Variants in KIF15 observed in about 807,000 individuals in gnomAD.
KIF15 encodes the protein kinesin-like protein KIF15.
A neutral mutation model predicts 190.6 loss-of-function variants in KIF15; 140 were observed. The observed-to-expected ratio is 0.73, with a 90% CI of 0.64 to 0.84. The LOEUF (loss-of-function observed/expected upper bound fraction) is 0.84. Ranked by LOEUF, KIF15 falls within the 40% of genes least tolerant of loss-of-function variation. The pLI, the probability that KIF15 is intolerant of heterozygous loss-of-function variation, is 0.00. For missense variants in KIF15, 1,372 were observed against 1,584.4 expected (o/e 0.87, Z 2.28); for synonymous variants, 528 against 551.3 (o/e 0.96, Z 0.59).
intron 24 of KIF15, among the ~76,000 whole-genome samples, chr3:44,829,153 C>T (rs1399700178): frequency 1.3e-5 from 2 of 151,664 alleles, no homozygotes; most frequent in South Asian, 2.1e-4. Context: ...GTCAGAAGAT[C>T]GAGACCATCC....
chr3:44,780,124 T>C (rs1706100675), intron 4 of KIF15, among the ~76,000 whole-genome samples: 1 of 149,314 alleles, frequency 6.7e-6, no homozygotes, highest in African/African-American at 2.5e-5. Context: ...TGCCCAGTCC[T>C]GGAGTGCAGT....
chr3:44,863,385 C>T (rs1474191875), intron 6 of KIF15: 1 of 134,760 alleles, frequency 7.4e-6, no homozygotes, highest in Non-Finnish European at 1.5e-5. Flanking sequence ...GTGTAGGAGG[C>T]TTCTAAAGAT....
intron 20 of KIF15, among the ~76,000 whole-genome samples, chr3:44,823,962 C>T (rs569257261): frequency 6.6e-5 from 10 of 152,326 alleles, no homozygotes; most frequent in East Asian, 3.9e-4. Context: ...CGACCCCTTG[C>T]GCTTCCTGGG....
chr3:44,830,816 G>C, intron 25 of KIF15, 80 bp from the exon 26 acceptor site: 1 of 1,424,098 alleles, frequency 7.0e-7, no homozygotes, highest in Admixed American at 2.1e-5. Flanking sequence ...CATCACCTTG[G>C]AACCCAGACT....
At chr3:44,793,950 G>T (rs1297815117) in intron 7 of KIF15, among the ~76,000 whole-genome samples, 1 of 149,434 alleles carries the variant, frequency 6.7e-6, no homozygotes, top group Admixed American at 6.7e-5. Context: ...GCACAATCAT[G>T]GCTCACTGCA....
intron 30 of KIF15, among the ~76,000 whole-genome samples, chr3:44,846,771 C>CAAA (rs765234089): frequency 8.9e-5 from 6 of 67,780 alleles, no homozygotes; most frequent in East Asian, 4.8e-4. Context: ...GACTCTGTCT[C>CAAA]AAAAAAAAAA....
rs1575644766 is a variant in KIF15 at position 44,821,153 on chromosome 3, A to G, written c.2550-4886A>G. The stretch of plus-strand genomic sequence containing the variant: ...GCTGACCCCCCCACCTCCCTCCCGG[A>G]CGGGGCAGCTGGCCGGGCAGAGGGG... On this transcript the variant is annotated intron_variant, in intron 20 of 34. Transcript: ENST00000326047. Among the ~76,000 whole-genome samples the G allele has an allele frequency of 5.1e-5, 6 of 118,332 alleles. No individual in the cohort carries two copies. In the South Asian group the frequency reaches 1.9e-3, roughly 38 times the overall value. 77.6% of individuals were successfully genotyped at this position (118,332 alleles called of 152,430 possible). A position where few individuals can be genotyped will look rare whatever the true frequency, so the allele number is the denominator to read the frequency against.
At chr3:44,778,396 C>T (rs1264921657) in intron 4 of KIF15, among the ~76,000 whole-genome samples, 4 of 152,206 alleles carry the variant, frequency 2.6e-5, no homozygotes, top group Non-Finnish European at 5.9e-5. Flanking sequence ...AGCCTTGTTG[C>T]TTTCTGGAAA....
downstream of KIF15, among the ~76,000 whole-genome samples, chr3:44,857,393 C>T (rs937891376): frequency 1.1e-4 from 16 of 152,192 alleles, no homozygotes; most frequent in African/African-American, 3.4e-4. Context: ...AGCCGCTGCA[C>T]GGAGACATAA....
chr3:44,791,740 C>T lies in KIF15; in HGVS notation c.640-2477C>T, dbSNP rs141527651. 2.2e-3 allele frequency among the ~76,000 whole-genome samples: 338 copies of T among 152,230 alleles called. 1 individual carries two copies. Among genetic ancestry groups the T allele is most frequent in the Non-Finnish European group, 4.2e-3 (284 of 68,022 alleles). On this transcript the variant is annotated intron_variant, in intron 7 of 34. Coordinates refer to ENST00000326047, the MANE Select transcript of KIF15 (RefSeq NM_020242.3). ...TACCTTGCCTTTTTTATTTTGGAGA[C>T]CAAGTCTCGCTGTTTTGCCCAGGCT...
In KIF15 at chr3:44,838,349, C is replaced by G. The variant is rs745449151; in HGVS notation, c.3246C>G (p.His1082Gln). ...TGCTCACAGAGGCCTCAAAAAAACA[C>G]TCGGGGCTGCTGCAGTCTGCCCAGG... ...LNMLTEASKK[H>Q]SGLLQSAQEE... Residue 1082 changes from histidine (H) to glutamine (Q), a missense_variant, in exon 27 of 35, where the codon CAC (histidine) becomes CAG (glutamine). By Grantham distance (24) the His-to-Gln change is conservative. Coordinates refer to ENST00000326047, the MANE Select transcript of KIF15 (RefSeq NM_020242.3). 1 of 1,614,042 alleles carries G rather than the reference C, an allele frequency of 6.2e-7. No individual in the cohort carries two copies.
chr3:44,843,364 T>C, intron 30 of KIF15, 130 bp downstream of exon 30: 4 of 620,538 alleles, frequency 6.4e-6, no homozygotes, highest in Non-Finnish European at 1.1e-5. Context: ...GAGATGGTCT[T>C]TTGGTTGATT....
Position 44,786,520 on chromosome 3 carries a change from CTTT to C in KIF15, c.586_588del (p.Phe196del). The C allele has an allele frequency of 6.2e-7, 1 of 1,613,192 alleles. No homozygotes were observed. Among genetic ancestry groups the C allele is most frequent in the Non-Finnish European group, 8.5e-7 (1 of 1,179,396 alleles). Reference sequence around the variant, plus strand: ...TAAGGGAGCATATCAAGAAGGGAGTCTTTGTTGTTGGTGCGGTGGAGCAGGTGG... The same window carrying C: ...TAAGGGAGCATATCAAGAAGGGAGTCGTTGTTGGTGCGGTGGAGCAGGTGG... On this transcript the variant is annotated inframe_deletion, in exon 7 of 35. Transcript: ENST00000326047.
chr3:44,856,694 T>G (rs777002461), downstream of KIF15, among the ~76,000 whole-genome samples: 6 of 152,142 alleles, frequency 3.9e-5, no homozygotes, highest in Non-Finnish European at 7.4e-5. Flanking sequence ...AGCGATAGGA[T>G]CTGATGCCTT....
At chr3:44,819,296 T>G (rs879110705) in intron 20 of KIF15, among the ~76,000 whole-genome samples, 3 of 152,126 alleles carry the variant, frequency 2.0e-5, no homozygotes, top group African/African-American at 7.2e-5. Context: ...GCTTTTGAAT[T>G]TGTTTGCTCT....
At chr3:44,833,625 G>C (rs750086773) in intron 26 of KIF15, among the ~76,000 whole-genome samples, 1 of 152,068 alleles carries the variant, frequency 6.6e-6, no homozygotes, top group Non-Finnish European at 1.5e-5. Context: ...GATGGGGAAT[G>C]GCTGTAAATA....
intron 7 of KIF15, among the ~76,000 whole-genome samples, 154 bp from the exon 8 acceptor site, chr3:44,794,063 G>A (rs1327073921): frequency 6.6e-6 from 1 of 151,896 alleles, no homozygotes; most frequent in Non-Finnish European, 1.5e-5. Context: ...ATTTTTTGTA[G>A]AGGTGAGGTC....
intron 6 of KIF15, chr3:44,864,275 G>A (rs899977484): frequency 3.7e-6 from 6 of 1,614,158 alleles, no homozygotes; most frequent in Non-Finnish European, 5.1e-6. Context: ...CTTTAGCCGG[G>A]GCCTCAGTTT....
At chr3:44,865,882 C>T (rs1699316490) in intron 6 of KIF15, among the ~76,000 whole-genome samples, 1 of 152,132 alleles carries the variant, frequency 6.6e-6, no homozygotes, top group South Asian at 2.1e-4. Context: ...GTTCATTCTC[C>T]TGGTGCTCTC....
Sources: gnomAD v4.1 joint callset for allele counts (sites outside exome capture counted in the v4.1 genomes callset) on GRCh38, gnomAD v4.1.1 for gene constraint, MANE v1.5 for transcripts, NCBI Gene and HGNC (gene_info 2026-07-23, HGNC 2026-07-21) for gene names.